MSI2: variants seen among roughly 807,000 people sequenced by gnomAD.
The protein encoded by MSI2 is RNA-binding protein Musashi homolog 2.
In MSI2, 17 loss-of-function variants were observed where a neutral mutation model predicts 45.6. That is an observed-to-expected ratio of 0.37 (90% CI 0.26 to 0.56). MSI2 has a LOEUF of 0.56. Among genes scored for constraint, MSI2 ranks in the 20% least tolerant of loss-of-function variants. MSI2 has a pLI of 0.77. For missense variants in MSI2, 293 were observed against 444.2 expected (o/e 0.66, Z 3.06); for synonymous variants, 156 against 158.2 (o/e 0.99, Z 0.11).
intron 6 of MSI2, among the ~76,000 whole-genome samples, chr17:57,490,412 G>A (rs76952937): frequency 0.019 from 2,887 of 152,338 alleles, 110 homozygotes; most frequent in African/African-American, 0.066. Context: ...CAGTTTCTCA[G>A]ATCTCCTCTG....
chr17:57,621,574 C>G (rs1195314321), intron 9 of MSI2, among the ~76,000 whole-genome samples: 1 of 152,174 alleles, frequency 6.6e-6, no homozygotes, highest in African/African-American at 2.4e-5. Flanking sequence ...ACAACCAGCA[C>G]ACTGGTCTGC....
At chr17:57,632,863 T>C in intron 10 of MSI2, 1 of 1,063,658 alleles carries the variant, frequency 9.4e-7, no homozygotes, top group Non-Finnish European at 1.1e-6. Flanking sequence ...AGACCCTACA[T>C]GTGCAGTTTG....
At chr17:57,286,472 T>G (rs1171902137) in intron 5 of MSI2, among the ~76,000 whole-genome samples, 2 of 152,182 alleles carry the variant, frequency 1.3e-5, no homozygotes, top group African/African-American at 4.8e-5. Flanking sequence ...CCCCTCCTGC[T>G]GAGAGCACTT....
intron 6 of MSI2, among the ~76,000 whole-genome samples, chr17:57,484,101 C>T (rs1448362674): frequency 3.3e-5 from 5 of 152,220 alleles, no homozygotes; most frequent in African/African-American, 4.8e-5. Flanking sequence ...AGTTTGGCTG[C>T]AGAGCCCTTG....
chr17:57,297,126 G>A (rs1249576025), intron 5 of MSI2, among the ~76,000 whole-genome samples: 1 of 151,552 alleles, frequency 6.6e-6, no homozygotes, highest in African/African-American at 2.4e-5. Flanking sequence ...ACCCGCCTTG[G>A]CCTCCCAAAG....
At chr17:57,662,906 A>T (rs1374990361) in intron 11 of MSI2, among the ~76,000 whole-genome samples, 9 of 152,228 alleles carry the variant, frequency 5.9e-5, no homozygotes, top group Non-Finnish European at 2.9e-5. Context: ...TGTAAGAGGA[A>T]GCCAGCCTGA....
chr17:57,533,057 T>G (rs1317022305), intron 7 of MSI2, among the ~76,000 whole-genome samples: 1 of 152,190 alleles, frequency 6.6e-6, no homozygotes, highest in Non-Finnish European at 1.5e-5. Flanking sequence ...CCATTCAGTC[T>G]CCACTTGCTG....
At chr17:57,521,394 G>C (rs1420493460) in intron 6 of MSI2, among the ~76,000 whole-genome samples, 1 of 149,980 alleles carries the variant, frequency 6.7e-6, no homozygotes, top group Non-Finnish European at 1.5e-5. Flanking sequence ...AATAATACCT[G>C]TGAAAATATT....
At chr17:57,469,127 T>C (rs1179941968) in intron 6 of MSI2, among the ~76,000 whole-genome samples, 1 of 152,204 alleles carries the variant, frequency 6.6e-6, no homozygotes, top group Non-Finnish European at 1.5e-5. Flanking sequence ...CTTTGTGCTC[T>C]GAAATCCAGA....
intron 6 of MSI2, among the ~76,000 whole-genome samples, chr17:57,527,868 A>G (rs995938639): frequency 6.6e-6 from 1 of 152,182 alleles, no homozygotes; most frequent in Non-Finnish European, 1.5e-5. Context: ...TGCAGGCACC[A>G]TTTTAAACCT....
chr17:57,657,846 A>G (rs1368732122), intron 11 of MSI2, among the ~76,000 whole-genome samples: 1 of 152,130 alleles, frequency 6.6e-6, no homozygotes. Flanking sequence ...TGCTTTCAAC[A>G]TGTATTTATT....
intron 5 of MSI2, among the ~76,000 whole-genome samples, chr17:57,306,283 A>G (rs142794718): frequency 6.6e-5 from 10 of 152,170 alleles, no homozygotes; most frequent in Non-Finnish European, 1.2e-4. Context: ...ACTGCCGCCT[A>G]TAGAGAAGAT....
At chr17:57,366,110 C>T (rs1158577570) in intron 5 of MSI2, among the ~76,000 whole-genome samples, 1 of 152,162 alleles carries the variant, frequency 6.6e-6, no homozygotes, top group Non-Finnish European at 1.5e-5. Flanking sequence ...CAGGGTCTTG[C>T]CGTGTTGCCC....
Position 57,597,466 on chromosome 17 carries a change from T to TAAAAAAAAA in MSI2, c.537+532_537+540dup, listed in dbSNP as rs35606406. Among the ~76,000 whole-genome samples the TAAAAAAAAA allele has an allele frequency of 1.5e-3, 133 of 87,096 alleles. 4 individuals carry two copies. Among genetic ancestry groups the TAAAAAAAAA allele is most frequent in the African/African-American group, 5.6e-3 (111 of 19,736 alleles). The allele number at this position is 87,096 out of a possible 152,430, so 57.1% of individuals were successfully genotyped here. Reference sequence around the variant, plus strand: ...GGAAACATAGCCAGACCTCATCTCTTAAAAAAAAAAAAAAAAAAAAAAAAT... The same window carrying TAAAAAAAAA: ...GGAAACATAGCCAGACCTCATCTCTTAAAAAAAAAAAAAAAAAAAAAAAAAAAAAAAAAT... On this transcript the variant is annotated intron_variant, in intron 8 of 13. Coordinates refer to ENST00000284073, the MANE Select transcript of MSI2 (RefSeq NM_138962.4).
In MSI2 at chr17:57,682,971, C is replaced by A. The variant is rs752658527; in HGVS notation, c.*3454C>A. On this transcript the variant is annotated 3_prime_UTR_variant, in exon 14 of 14. Transcript: ENST00000284073. ...TCTCTAGCAGCTTCCACAGACTTGG[C>A]TCGTGGCCTTCCTTATATCCACTGG... is the stretch of plus-strand genomic sequence containing the variant. 4.4e-6 allele frequency: 1 copy of A among 229,188 alleles called. No homozygotes were observed. The highest frequency in any genetic ancestry group is 8.7e-6 in the Non-Finnish European group (1 of 115,536). The allele number at this position is 229,188 out of a possible 1,614,324, so 14.2% of individuals were successfully genotyped here. A position where few individuals can be genotyped will look rare whatever the true frequency, so the allele number is the denominator to read the frequency against.
At chr17:57,697,949 G>T in the MSI2 span, among the ~76,000 whole-genome samples, 3 of 151,962 alleles carry the variant, frequency 2.0e-5, no homozygotes, top group African/African-American at 4.8e-5. Context: ...TGCCCACTTT[G>T]AATCATACCC....
At chr17:57,439,125 T>G (rs1039171198) in intron 6 of MSI2, among the ~76,000 whole-genome samples, 12 of 152,300 alleles carry the variant, frequency 7.9e-5, no homozygotes, top group African/African-American at 1.4e-4. Flanking sequence ...CTTGTTGCAG[T>G]AGGGGACACT....
chr17:57,672,293 A>G (rs1225328195), intron 11 of MSI2, among the ~76,000 whole-genome samples: 1 of 152,208 alleles, frequency 6.6e-6, no homozygotes, highest in Non-Finnish European at 1.5e-5. Context: ...ATATAGACCT[A>G]AGATGAGCTG....
At chr17:57,369,363 G>A (rs2083388176) in intron 5 of MSI2, among the ~76,000 whole-genome samples, 1 of 152,162 alleles carries the variant, frequency 6.6e-6, no homozygotes, top group African/African-American at 2.4e-5. Context: ...GTTGTAGCTC[G>A]GGGACCTTGG....
Sources: gnomAD v4.1 joint callset for allele counts (sites outside exome capture counted in the v4.1 genomes callset) on GRCh38, gnomAD v4.1.1 for gene constraint, MANE v1.5 for transcripts, NCBI Gene and HGNC (gene_info 2026-07-23, HGNC 2026-07-21) for gene names.